SHROOM2: variants seen among roughly 807,000 people sequenced by gnomAD.
SHROOM2 encodes the protein protein Shroom2.
A neutral mutation model predicts 75.9 loss-of-function variants in SHROOM2; 33 were observed. The observed-to-expected ratio is 0.43, with a 90% CI of 0.33 to 0.58. SHROOM2 has a LOEUF of 0.58. Among genes scored for constraint, SHROOM2 ranks in the 20% least tolerant of loss-of-function variants. The pLI, the probability that SHROOM2 is intolerant of heterozygous loss-of-function variation, is 0.04. For synonymous variants in SHROOM2, 655 were observed against 663.6 expected (o/e 0.99, Z 0.20); for missense variants, 1,434 against 1,461.2 (o/e 0.98, Z 0.30).
At chrX:9,787,485 A>C (rs1210667184) in intron 1 of SHROOM2, among the ~76,000 whole-genome samples, 1 of 112,523 alleles carries the variant, frequency 8.9e-6, no homozygotes, top group Non-Finnish European at 1.9e-5. Context: ...TCTAGTTAAA[A>C]GTGTGTAGTG....
At chrX:9,886,957 G>A (rs1309857719) in intron 2 of SHROOM2, among the ~76,000 whole-genome samples, 1 of 112,197 alleles carries the variant, frequency 8.9e-6, no homozygotes, top group Admixed American at 9.4e-5. Flanking sequence ...AATCTGAAAT[G>A]ATATTATTAT....
chrX:9,880,165 G>A (rs12007617), intron 2 of SHROOM2, among the ~76,000 whole-genome samples: 18,486 of 111,753 alleles, frequency 0.17, 1,226 homozygotes, highest in East Asian at 0.35. Context: ...AGTGTCCTGC[G>A]AGAGGCAGCA....
intron 1 of SHROOM2, among the ~76,000 whole-genome samples, chrX:9,790,281 G>A (rs1424327764): frequency 8.9e-6 from 1 of 111,849 alleles, no homozygotes; most frequent in African/African-American, 3.3e-5. Flanking sequence ...AAGTCACCTC[G>A]TGACCCGAGG....
At chrX:9,908,423 G>A (rs1021963236) in intron 5 of SHROOM2, among the ~76,000 whole-genome samples, 1 of 111,167 alleles carries the variant, frequency 9.0e-6, no homozygotes, top group Non-Finnish European at 1.9e-5. Context: ...CTTTTTCAAG[G>A]GCACAAATGT....
At chrX:9,847,759 G>A (rs1379887898) in intron 1 of SHROOM2, among the ~76,000 whole-genome samples, 6 of 110,213 alleles carry the variant, frequency 5.4e-5, no homozygotes, top group Non-Finnish European at 7.6e-5. Context: ...AAATGCTTGT[G>A]CTGAGTTACA....
intron 1 of SHROOM2, among the ~76,000 whole-genome samples, chrX:9,835,278 G>A (rs749106327): frequency 4.0e-4 from 45 of 112,061 alleles, no homozygotes; most frequent in African/African-American, 7.8e-4. Context: ...ATATATGCAC[G>A]GACAGATGTG....
At chrX:9,900,832 G>A (rs774501238) in intron 5 of SHROOM2, among the ~76,000 whole-genome samples, 1 of 110,701 alleles carries the variant, frequency 9.0e-6, no homozygotes, top group East Asian at 2.9e-4. Context: ...GTCCTGAACA[G>A]CCCACCGCAC....
At chrX:9,861,725 TACC>T (rs2084104833) in intron 1 of SHROOM2, among the ~76,000 whole-genome samples, 1 of 112,391 alleles carries the variant, frequency 8.9e-6, no homozygotes, top group Non-Finnish European at 1.9e-5. Flanking sequence ...AACCAGCTCT[TACC>T]ACCATTTTTG....
At chrX:9,931,585 T>C (rs1329256741) in intron 5 of SHROOM2, among the ~76,000 whole-genome samples, 1 of 111,196 alleles carries the variant, frequency 9.0e-6, no homozygotes, top group Non-Finnish European at 1.9e-5. Flanking sequence ...AGTTCGAGGC[T>C]GCAGCATGCT....
intron 1 of SHROOM2, among the ~76,000 whole-genome samples, chrX:9,804,643 C>T (rs1052177287): frequency 9.0e-5 from 10 of 111,377 alleles, no homozygotes; most frequent in African/African-American, 3.3e-4. Context: ...AGAGGAGCGG[C>T]ATCCTGAGAC....
At chrX:9,799,604 C>T (rs778748715) in intron 1 of SHROOM2, among the ~76,000 whole-genome samples, 2 of 110,917 alleles carry the variant, frequency 1.8e-5, no homozygotes, top group Non-Finnish European at 3.8e-5. Flanking sequence ...TTTATTTCCC[C>T]TTCTTTCTAT....
intron 5 of SHROOM2, among the ~76,000 whole-genome samples, chrX:9,925,178 C>T (rs779653149): frequency 1.3e-3 from 151 of 111,900 alleles, no homozygotes; most frequent in African/African-American, 4.8e-3. Context: ...TGTGCCTCCC[C>T]AAGGGTGTGT....
intron 7 of SHROOM2, among the ~76,000 whole-genome samples, chrX:9,938,766 G>T (rs1266668845): frequency 9.0e-6 from 1 of 110,979 alleles, no homozygotes; most frequent in African/African-American, 3.3e-5. Flanking sequence ...ACACAGCCAA[G>T]GAGGAGCAGC....
chrX:9,882,694 C>T (rs935488293), intron 2 of SHROOM2, among the ~76,000 whole-genome samples: 5 of 111,665 alleles, frequency 4.5e-5, no homozygotes, highest in Non-Finnish European at 7.5e-5. Context: ...AGGCCAGAGG[C>T]GGGGCACGCT....
rs947291149 is a variant in SHROOM2, at chrX:9,946,845, A to G, written c.4759A>G (p.Ile1587Val). ...CGTGAAGATGAAGTCGGCCCTCATC[A>G]TCGAGCAGCGGGAGCTGGAAGATAA... ...HFVKMKSALI[I>V]EQRELEDKIH... is the part of the protein sequence containing the mutation. The change falls in exon 10 of 10, where the codon ATC becomes GTC. Residue 1587 changes from isoleucine to valine, a missense_variant. Physicochemically the swap from Ile to Val is conservative, Grantham distance 29. This residue lies in a region of SHROOM2 where 80 missense variants were observed against 88.4 expected (regional missense o/e 0.90). Coordinates refer to ENST00000380913, the MANE Select transcript of SHROOM2 (RefSeq NM_001649.4). 5.8e-6 allele frequency: 7 copies of G among 1,200,057 alleles called. No individual in the cohort carries two copies. The highest frequency in any genetic ancestry group is 7.9e-6 in the Non-Finnish European group (7 of 889,275).
intron 6 of SHROOM2, among the ~76,000 whole-genome samples, chrX:9,935,876 C>T (rs1339269411): frequency 9.0e-6 from 1 of 111,282 alleles, no homozygotes; most frequent in Admixed American, 9.6e-5. Context: ...TTTTTGCTTC[C>T]CTCCTGACCA....
chrX:9,864,749 C>T lies in SHROOM2; in HGVS notation c.166-8903C>T, dbSNP rs943433913. On this transcript the variant is annotated intron_variant, in intron 1 of 9. Transcript: ENST00000380913. ...CTGAGGCAGGAGAATGGCGTGAACC[C>T]GGGAGGCGGAGCTTGCAGTGAGCCG... 1.3e-4 allele frequency among the ~76,000 whole-genome samples: 14 copies of T among 107,425 alleles called. 1 individual carries two copies. Among genetic ancestry groups the T allele is most frequent in the Admixed American group, 6.9e-4 (7 of 10,137 alleles). 93.3% of individuals were successfully genotyped at this position (107,425 alleles called of 115,157 possible). A position where few individuals can be genotyped will look rare whatever the true frequency, so the allele number is the denominator to read the frequency against.
chrX:9,799,658 A>G (rs1311676902), intron 1 of SHROOM2, among the ~76,000 whole-genome samples: 2 of 110,149 alleles, frequency 1.8e-5, no homozygotes, highest in Non-Finnish European at 3.8e-5. Context: ...GCCATCTACT[A>G]GAAGGTTGGA....
chrX:9,876,385 A>G (rs932448766), intron 2 of SHROOM2, among the ~76,000 whole-genome samples: 2 of 111,952 alleles, frequency 1.8e-5, no homozygotes, highest in African/African-American at 3.3e-5. Flanking sequence ...CCTTACTACA[A>G]AAGCACCAAT....
Sources: allele counts gnomAD v4.1 joint callset (sites outside exome capture counted in the v4.1 genomes callset), GRCh38; gene constraint gnomAD v4.1.1; regional missense constraint gnomAD v4.1.1; transcripts MANE v1.5; gene names NCBI Gene and HGNC (gene_info 2026-07-23, HGNC 2026-07-21).